Variants in SLC35D1 observed in about 807,000 individuals in gnomAD.
SLC35D1 encodes nucleotide sugar transporter SLC35D1.
Under a neutral mutation model 46.7 loss-of-function variants are expected in SLC35D1, and 31 were observed. The observed-to-expected ratio is 0.66, with a 90% CI of 0.50 to 0.90. SLC35D1 has a LOEUF of 0.90. Among genes scored for constraint, SLC35D1 ranks in the 40% least tolerant of loss-of-function variants. SLC35D1 has a pLI of 0.00. For synonymous variants in SLC35D1, 195 were observed against 164.6 expected (o/e 1.18, Z -1.41); for missense variants, 397 against 426.2 (o/e 0.93, Z 0.60).
intron 10 of SLC35D1, among the ~76,000 whole-genome samples, chr1:67,016,178 G>A (rs1667681903): frequency 6.6e-6 from 1 of 151,912 alleles, no homozygotes; most frequent in South Asian, 2.1e-4. Flanking sequence ...GATTTGAAAT[G>A]TCTTCAGATA....
chr1:67,023,739 G>T (rs1667860669), intron 8 of SLC35D1, among the ~76,000 whole-genome samples: 1 of 151,898 alleles, frequency 6.6e-6, no homozygotes, highest in Non-Finnish European at 1.5e-5. Flanking sequence ...GCCCGCCCTA[G>T]CTTCCCAAAG....
At chr1:67,028,933 T>C (rs562441282) in intron 8 of SLC35D1, among the ~76,000 whole-genome samples, 1 of 152,322 alleles carries the variant, frequency 6.6e-6, no homozygotes, top group Admixed American at 6.5e-5. Context: ...TCTCTTCTCA[T>C]CCTTTCTTAA....
intron 8 of SLC35D1, 104 bp from the exon 9 acceptor site, chr1:67,021,706 GACACAGACACAGACACAGACACACACAC>G (rs1667805429): frequency 9.9e-5 from 24 of 243,288 alleles, no homozygotes; most frequent in East Asian, 2.7e-4. Context: ...CACAGACACA[GACACAGACACAGACACAGACACACACAC>G]ACACACACAC....
rs563580976 is a variant in SLC35D1, at chr1:67,012,363, C to T, written c.877-3196G>A. ...TATTCCTGGCAATACATTTTTTGGGCGGGGGCATGGGAACTTTGGGAAGGC... is the reference window on the plus strand; with the variant it reads ...TATTCCTGGCAATACATTTTTTGGGTGGGGGCATGGGAACTTTGGGAAGGC... On this transcript the variant is annotated intron_variant, in intron 10 of 11. Coordinates refer to ENST00000235345, the MANE Select transcript of SLC35D1 (RefSeq NM_015139.3). Among the ~76,000 whole-genome samples the T allele has an allele frequency of 4.7e-4, 71 of 151,824 alleles. 1 individual carries two copies. The highest frequency in any genetic ancestry group is 1.5e-3 in the African/African-American group (64 of 41,396).
chr1:66,997,618 T>C (rs899897596), downstream of SLC35D1, among the ~76,000 whole-genome samples: 1 of 145,300 alleles, frequency 6.9e-6, no homozygotes, highest in South Asian at 2.1e-4. Context: ...TGTATCTGTA[T>C]ATATATGCAG....
chr1:67,052,696 G>T, intron 3 of SLC35D1, 75 bp downstream of exon 3: 1 of 1,480,344 alleles, frequency 6.8e-7, no homozygotes, highest in Non-Finnish European at 9.4e-7. Context: ...TTTTAAATAC[G>T]CAAGGCACTG....
Position 67,020,366 on chromosome 1 carries a change from T to TA in SLC35D1, c.876+2dup. ...CAAAAGCTAACAGTATTTTTCTACT[T>TA]ACCTTAATACAGCCAACTATTGTAG... On this transcript the variant is annotated splice_region_variant and intron_variant, in intron 10 of 11. Transcript: ENST00000235345. The TA allele has an allele frequency of 1.3e-6, 2 of 1,580,580 alleles. No individual in the cohort carries two copies. Among genetic ancestry groups the TA allele is most frequent in the South Asian group, 2.2e-5 (2 of 90,420 alleles).
At chr1:66,985,474 C>A in the SLC35D1 span, 1 of 983,298 alleles carries the variant, frequency 1.0e-6, no homozygotes, top group East Asian at 1.1e-4. Flanking sequence ...TAAACCAGGT[C>A]AGGTTTGTAT....
chr1:67,029,844 A>G (rs1175437833), intron 8 of SLC35D1, among the ~76,000 whole-genome samples: 1 of 152,132 alleles, frequency 6.6e-6, no homozygotes, highest in African/African-American at 2.4e-5. Flanking sequence ...TTACATTTTA[A>G]TTGTTCACAT....
At chr1:67,030,054 C>A (rs1468593896) in intron 8 of SLC35D1, among the ~76,000 whole-genome samples, 1 of 151,308 alleles carries the variant, frequency 6.6e-6, no homozygotes, top group African/African-American at 2.4e-5. Flanking sequence ...ACCCAGTAAG[C>A]CATCAATTAG....
At chr1:66,981,809 T>C in the SLC35D1 span, 26 of 1,613,826 alleles carry the variant, frequency 1.6e-5, no homozygotes, top group East Asian at 5.8e-4. Context: ...TAGACGAAAG[T>C]GAAAGTGCTG....
the SLC35D1 span, among the ~76,000 whole-genome samples, chr1:66,978,874 T>C: frequency 3.9e-5 from 6 of 152,232 alleles, no homozygotes; most frequent in Admixed American, 2.6e-4. Flanking sequence ...AATTTCTCTA[T>C]TGATCTCCCC....
chr1:67,004,275 G>T lies in SLC35D1; in HGVS notation c.*65C>A. ...TCAAGACACCTCAGTGTCTCTGTAG[G>T]AACTGCCAGTGTTCTGAGTTGATTA... On this transcript the variant is annotated 3_prime_UTR_variant, in exon 12 of 12. Transcript: ENST00000235345. 1 of 1,320,970 alleles carries T rather than the reference G, an allele frequency of 7.6e-7. No individual in the cohort carries two copies. The highest frequency in any genetic ancestry group is 1.1e-6 in the Non-Finnish European group (1 of 914,060). The allele number at this position is 1,320,970 out of a possible 1,614,324, so 81.8% of individuals were successfully genotyped here. A position where few individuals can be genotyped will look rare whatever the true frequency, so the allele number is the denominator to read the frequency against.
the SLC35D1 span, among the ~76,000 whole-genome samples, chr1:66,989,026 G>A: frequency 1.3e-5 from 2 of 152,098 alleles, no homozygotes; most frequent in East Asian, 3.9e-4. Flanking sequence ...TTTTTCTTTT[G>A]TCAAACTTCG....
At chr1:67,036,029 T>C (rs12077222) in intron 8 of SLC35D1, among the ~76,000 whole-genome samples, 9,570 of 152,218 alleles carry the variant, frequency 0.063, 955 homozygotes, top group African/African-American at 0.22. Context: ...CTTTATTCCA[T>C]TGTGGTCAGA....
At chr1:67,012,620 T>A (rs1667591531) in intron 10 of SLC35D1, among the ~76,000 whole-genome samples, 1 of 150,534 alleles carries the variant, frequency 6.6e-6, no homozygotes, top group African/African-American at 2.5e-5. Flanking sequence ...CATTTTTTTT[T>A]AGAAGACACA....
chr1:67,032,550 G>A (rs143074647), intron 8 of SLC35D1, among the ~76,000 whole-genome samples: 2,652 of 151,970 alleles, frequency 0.017, 87 homozygotes, highest in African/African-American at 0.06. Context: ...GCGTGGTGGC[G>A]TGCACCTGTA....
At chr1:67,050,772 T>C (rs964827763) in intron 4 of SLC35D1, among the ~76,000 whole-genome samples, 1 of 152,130 alleles carries the variant, frequency 6.6e-6, no homozygotes, top group Non-Finnish European at 1.5e-5. Flanking sequence ...GCTGTAAATA[T>C]GTCAGTTTTT....
chr1:67,008,196 C>T (rs1376693844), intron 11 of SLC35D1, among the ~76,000 whole-genome samples: 3 of 152,068 alleles, frequency 2.0e-5, no homozygotes, highest in Non-Finnish European at 2.9e-5. Flanking sequence ...TGGAGTGCAG[C>T]GGCGCAATCT....
Sources: allele counts gnomAD v4.1 joint callset (sites outside exome capture counted in the v4.1 genomes callset), GRCh38; gene constraint gnomAD v4.1.1; transcripts MANE v1.5; gene names NCBI Gene and HGNC (gene_info 2026-07-23, HGNC 2026-07-21).